Variants in RYR2 observed in about 807,000 individuals in gnomAD.
RYR2 encodes cardiac muscle ryanodine receptor-calcium release channel.
In RYR2, 227 loss-of-function variants were observed where a neutral mutation model predicts 601.1. The observed-to-expected ratio is 0.38, with a 90% CI of 0.34 to 0.42. The LOEUF is 0.42. Among genes scored for constraint, RYR2 ranks in the 10% least tolerant of loss-of-function variants. The probability of loss-of-function intolerance (pLI) is 1.00; values close to 1 mark genes in which losing one functional copy is unlikely to be tolerated. For missense variants in RYR2, 4,646 were observed against 6,156.5 expected (o/e 0.75, Z 8.21); for synonymous variants, 2,223 against 2,175.1 (o/e 1.02, Z -0.61).
chr1:237,115,329 C>T (rs2148612842), intron 1 of RYR2, among the ~76,000 whole-genome samples: 1 of 152,288 alleles, frequency 6.6e-6, no homozygotes, highest in South Asian at 2.1e-4. Flanking sequence ...GAAGCACGGT[C>T]TTTGATAGGC....
chr1:237,330,236 C>T (rs972630111), intron 2 of RYR2, among the ~76,000 whole-genome samples: 12 of 152,194 alleles, frequency 7.9e-5, no homozygotes, highest in Admixed American at 2.0e-4. Flanking sequence ...CCTGTTCACA[C>T]GAGTGATAGT....
At chr1:237,286,686 T>G (rs1691611656) in intron 2 of RYR2, among the ~76,000 whole-genome samples, 1 of 151,766 alleles carries the variant, frequency 6.6e-6, no homozygotes, top group African/African-American at 2.4e-5. Context: ...ACTTTAAGTT[T>G]ATGTGAGTCC....
At chr1:237,650,507 A>C (rs1682623048) in intron 50 of RYR2, among the ~76,000 whole-genome samples, 1 of 152,272 alleles carries the variant, frequency 6.6e-6, no homozygotes, top group South Asian at 2.1e-4. Context: ...AATGTGATAC[A>C]GCATAATATT....
intron 79 of RYR2, among the ~76,000 whole-genome samples, chr1:237,735,023 C>G (rs947125276): frequency 6.6e-6 from 1 of 152,042 alleles, no homozygotes; most frequent in Non-Finnish European, 1.5e-5. Flanking sequence ...AGGAAAGGAG[C>G]TCATAAAAAA....
At chr1:237,663,745 C>T (rs1055087804) in intron 56 of RYR2, among the ~76,000 whole-genome samples, 6 of 152,168 alleles carry the variant, frequency 3.9e-5, no homozygotes, top group South Asian at 2.1e-4. Flanking sequence ...TCGTTATCAT[C>T]GTTATGTGGA....
At chr1:237,222,190 G>A (rs189437700) in intron 1 of RYR2, among the ~76,000 whole-genome samples, 24 of 152,120 alleles carry the variant, frequency 1.6e-4, no homozygotes, top group African/African-American at 4.1e-4. Context: ...TGAGGTGGGC[G>A]GATCACGAGG....
intron 1 of RYR2, among the ~76,000 whole-genome samples, chr1:237,248,282 GCCC>G (rs1171897382): frequency 0.12 from 1,660 of 14,096 alleles, 203 homozygotes; most frequent in African/African-American, 0.3. Context: ...CCGCAACCCC[GCCC>G]CCCCCCCCCC....
chr1:237,137,636 A>G (rs1208414062), intron 1 of RYR2, among the ~76,000 whole-genome samples: 2 of 152,226 alleles, frequency 1.3e-5, no homozygotes, highest in African/African-American at 4.8e-5. Context: ...TTATCTGTAC[A>G]GATAAGATGT....
chr1:237,748,050 G>A (rs1252531326), intron 80 of RYR2, among the ~76,000 whole-genome samples: 2 of 152,136 alleles, frequency 1.3e-5, no homozygotes, highest in African/African-American at 4.8e-5. Flanking sequence ...ATTATCTCGT[G>A]TCTTAGCTCA....
In RYR2 at chr1:237,651,509, T is replaced by C. The variant is rs1473885145; in HGVS notation, c.7824+8T>C. 13 of 1,498,572 alleles carry C rather than the reference T, an allele frequency of 8.7e-6. No homozygotes were observed. Among genetic ancestry groups the C allele is most frequent in the Admixed American group, 1.9e-5 (1 of 52,052 alleles). The allele number at this position is 1,498,572 out of a possible 1,614,324, so 92.8% of individuals were successfully genotyped here. A position where few individuals can be genotyped will look rare whatever the true frequency, so the allele number is the denominator to read the frequency against. ...GCAAAGATGCCTCTTAAAGTAAGTA[T>C]AGGAAATGTTTGTAGATATTTGATT... On this transcript the variant is annotated splice_region_variant and intron_variant, in intron 51 of 104. Coordinates refer to ENST00000366574, the MANE Select transcript of RYR2 (RefSeq NM_001035.3).
chr1:237,589,850 A>G lies in RYR2; in HGVS notation c.3656A>G (p.Lys1219Arg). The G allele has an allele frequency of 6.2e-7, 1 of 1,613,926 alleles. No homozygotes were observed. Among genetic ancestry groups the G allele is most frequent in the Non-Finnish European group, 8.5e-7 (1 of 1,179,862 alleles). ...CAAGTGGGTAGGATGAACTTTGGAA[A>G]GGATGTCAGCACCTTGAAATATTTC... Reference protein sequence around the residue: ...VAQVGRMNFGKDVSTLKYFTI... With the variant: ...VAQVGRMNFGRDVSTLKYFTI... The change falls in exon 30 of 105, where the codon AAG becomes AGG. Residue 1219 changes from lysine to arginine, a missense_variant. Around this residue, in one of 17 missense-constraint regions of RYR2, gnomAD observed 1,807 missense variants for 2,088.1 expected, o/e 0.87. Coordinates refer to ENST00000366574, the MANE Select transcript of RYR2 (RefSeq NM_001035.3).
chr1:237,782,531 A>C (rs2149348267), intron 89 of RYR2, among the ~76,000 whole-genome samples: 1 of 152,170 alleles, frequency 6.6e-6, no homozygotes, highest in Non-Finnish European at 1.5e-5. Flanking sequence ...TCGTGCTAGG[A>C]CTTTGAAGTG....
At chr1:237,305,062 G>A (rs1017656436) in intron 2 of RYR2, among the ~76,000 whole-genome samples, 8 of 152,160 alleles carry the variant, frequency 5.3e-5, no homozygotes, top group African/African-American at 1.4e-4. Context: ...CACTCCTGAC[G>A]GTATAAGCAC....
At chr1:237,555,929 A>G (rs1670829803) in intron 27 of RYR2, among the ~76,000 whole-genome samples, 2 of 152,166 alleles carry the variant, frequency 1.3e-5, no homozygotes, top group Admixed American at 6.5e-5. Context: ...AAAAAAATCA[A>G]TGATGGTTAT....
intron 38 of RYR2, among the ~76,000 whole-genome samples, chr1:237,622,962 A>T (rs1679229041): frequency 1.3e-5 from 2 of 152,198 alleles, no homozygotes; most frequent in Admixed American, 1.3e-4. Flanking sequence ...GATAAGGGAT[A>T]CTCAAACCTG....
intron 27 of RYR2, 84 bp downstream of exon 27, chr1:237,550,775 G>A: frequency 7.2e-7 from 1 of 1,385,170 alleles, no homozygotes; most frequent in Non-Finnish European, 9.7e-7. Flanking sequence ...AAAAGGGGGA[G>A]TACTGGATAG....
chr1:237,617,291 C>T lies in RYR2; in HGVS notation c.5721C>T (p.Cys1907=), dbSNP rs769877200. 2 of 1,611,242 alleles carry T rather than the reference C, an allele frequency of 1.2e-6. No homozygotes were observed. The highest frequency in any genetic ancestry group is 1.7e-6 in the Non-Finnish European group (2 of 1,178,552). Residue 1907 remains cysteine (C), a synonymous_variant, in exon 38 of 105, where the codon TGC becomes TGT. Transcript: ENST00000366574. ...KLPEPVKLQM[C]LLLQYLCDCQ... is the part of the protein sequence containing the mutation. ...TCTTTTTAATGGTCTCTTAGATGTG[C>T]CTACTGCTTCAGTACCTCTGTGACT...
At chr1:237,127,580 C>T (rs1156234024) in intron 1 of RYR2, among the ~76,000 whole-genome samples, 1 of 151,688 alleles carries the variant, frequency 6.6e-6, no homozygotes, top group Non-Finnish European at 1.5e-5. Flanking sequence ...CCCCACCTCC[C>T]TCCCGGACGG....
At chr1:237,140,394 A>T (rs1350195558) in intron 1 of RYR2, among the ~76,000 whole-genome samples, 1 of 152,218 alleles carries the variant, frequency 6.6e-6, no homozygotes, top group Non-Finnish European at 1.5e-5. Flanking sequence ...TTTATTATTA[A>T]GTGAATCATC....
Sources: gnomAD v4.1 joint callset for allele counts (sites outside exome capture counted in the v4.1 genomes callset) on GRCh38, gnomAD v4.1.1 for gene constraint, gnomAD v4.1.1 regional missense constraint, MANE v1.5 for transcripts, NCBI Gene and HGNC (gene_info 2026-07-23, HGNC 2026-07-21) for gene names.